Variants in FRYL observed in about 807,000 individuals in gnomAD.
The protein encoded by FRYL is protein furry homolog-like.
A neutral mutation model predicts 351.2 loss-of-function variants in FRYL; 150 were observed. The observed-to-expected ratio is 0.43, with a 90% confidence interval of 0.37 to 0.49. The LOEUF is 0.49. Ranked by LOEUF, FRYL falls within the 20% of genes least tolerant of loss-of-function variation. FRYL has a pLI of 0.00. For missense variants in FRYL, 3,036 were observed against 3,619.3 expected (o/e 0.84, Z 4.13); for synonymous variants, 1,153 against 1,257.1 (o/e 0.92, Z 1.75).
intron 3 of FRYL, among the ~76,000 whole-genome samples, chr4:48,640,815 A>G (rs1156375730): frequency 2.0e-5 from 3 of 152,166 alleles, no homozygotes; most frequent in African/African-American, 7.2e-5. Context: ...TTACAAAAGA[A>G]AAGCCAAAGA....
intron 25 of FRYL, 122 bp from the exon 26 acceptor site, chr4:48,573,365 A>G: frequency 1.6e-6 from 1 of 630,820 alleles, no homozygotes; most frequent in Non-Finnish European, 2.7e-6. Flanking sequence ...TTTTAAACAC[A>G]ATGTCTATTT....
chr4:48,592,105 TA>T (rs1388281494), intron 16 of FRYL, among the ~76,000 whole-genome samples: 3 of 90,930 alleles, frequency 3.3e-5, no homozygotes, highest in South Asian at 3.4e-4. Flanking sequence ...TATATATATA[TA>T]TATATATATT....
At chr4:48,718,177 T>C (rs955683) in intron 1 of FRYL, among the ~76,000 whole-genome samples, 78,654 of 151,068 alleles carry the variant, frequency 0.52, 21,758 homozygotes, top group South Asian at 0.63. Context: ...CTAAAATCAG[T>C]TTATGTCTGT....
At chr4:48,779,432 C>T (rs1320456590) in intron 1 of FRYL, among the ~76,000 whole-genome samples, 1 of 152,156 alleles carries the variant, frequency 6.6e-6, no homozygotes, top group Admixed American at 6.5e-5. Flanking sequence ...GCCCGCACCC[C>T]TCCCCAGGAC....
chr4:48,710,754 T>C (rs760186056), intron 1 of FRYL, 56 bp from the exon 2 acceptor site: 40 of 395,714 alleles, frequency 1.0e-4, no homozygotes, highest in Admixed American at 1.8e-4. Flanking sequence ...GCTTACAACA[T>C]GTTAACATTT....
chr4:48,601,967 A>G (rs1578298839), intron 13 of FRYL, 53 bp downstream of exon 13: 1 of 1,067,110 alleles, frequency 9.4e-7, no homozygotes, highest in East Asian at 2.4e-5. Flanking sequence ...TTATATGCAT[A>G]AACAAAATAT....
chr4:48,513,475 G>A (rs1389771950), intron 56 of FRYL, among the ~76,000 whole-genome samples: 1 of 152,140 alleles, frequency 6.6e-6, no homozygotes, highest in African/African-American at 2.4e-5. Flanking sequence ...ATGTATTTGG[G>A]TTGGACATTC....
chr4:48,587,020 CTTA>C (rs1393504187), intron 18 of FRYL, among the ~76,000 whole-genome samples: 2 of 151,602 alleles, frequency 1.3e-5, no homozygotes, highest in South Asian at 2.1e-4. Context: ...TATAATTAAT[CTTA>C]TTAATATTTA....
intron 1 of FRYL, among the ~76,000 whole-genome samples, chr4:48,726,408 G>C (rs765942180): frequency 9.2e-5 from 14 of 152,180 alleles, no homozygotes. Flanking sequence ...GCGGGCGGGT[G>C]CAGTGGCTCA....
At chr4:48,548,140 C>T (rs1387251019) in intron 40 of FRYL, among the ~76,000 whole-genome samples, 2 of 151,948 alleles carry the variant, frequency 1.3e-5, no homozygotes, top group African/African-American at 2.4e-5. Flanking sequence ...ATGTAATACA[C>T]CAACATTAAG....
At chr4:48,603,466 G>T in intron 11 of FRYL, 78 bp from the exon 12 acceptor site, 1 of 961,806 alleles carries the variant, frequency 1.0e-6, no homozygotes, top group Non-Finnish European at 1.6e-6. Context: ...AGAACTTTCT[G>T]TAAGGTTTGA....
chr4:48,525,604 T>G (rs554484672), intron 53 of FRYL, among the ~76,000 whole-genome samples: 6 of 152,208 alleles, frequency 3.9e-5, no homozygotes, highest in Non-Finnish European at 7.3e-5. Context: ...TGAATGTGTA[T>G]AAGCTGTATA....
chr4:48,519,742 T>C (rs575068341), intron 55 of FRYL, among the ~76,000 whole-genome samples: 1 of 151,632 alleles, frequency 6.6e-6, no homozygotes, highest in South Asian at 2.1e-4. Context: ...CTCGCTCTTT[T>C]TTTTTTCTTT....
chr4:48,513,590 AG>A (rs1410789249), intron 56 of FRYL, among the ~76,000 whole-genome samples: 1 of 152,228 alleles, frequency 6.6e-6, no homozygotes, highest in Non-Finnish European at 1.5e-5. Flanking sequence ...ATTACAAGCT[AG>A]TTCTATAAGG....
At chr4:48,646,961 GAC>G (rs551103532) in intron 3 of FRYL, among the ~76,000 whole-genome samples, 35 of 152,230 alleles carry the variant, frequency 2.3e-4, no homozygotes, top group African/African-American at 7.9e-4. Flanking sequence ...GAAATATATA[GAC>G]ACACGGCTAG....
intron 2 of FRYL, among the ~76,000 whole-genome samples, chr4:48,691,800 T>C (rs1765703739): frequency 6.6e-6 from 1 of 152,206 alleles, no homozygotes; most frequent in African/African-American, 2.4e-5. Context: ...TCTTCCTACA[T>C]AAATTAAACA....
At chr4:48,606,385 G>T (rs1446404805) in intron 10 of FRYL, 53 bp downstream of exon 10, 1 of 1,217,808 alleles carries the variant, frequency 8.2e-7, no homozygotes, top group Non-Finnish European at 1.2e-6. Flanking sequence ...AAGTCATGAA[G>T]AGCAAGGACT....
intron 1 of FRYL, among the ~76,000 whole-genome samples, chr4:48,755,433 T>C (rs1773676279): frequency 6.6e-6 from 1 of 152,224 alleles, no homozygotes; most frequent in African/African-American, 2.4e-5. Context: ...TGTCACCAAT[T>C]CATTACTCAT....
chr4:48,518,123 T>C (rs921744777), intron 55 of FRYL, among the ~76,000 whole-genome samples: 3 of 152,224 alleles, frequency 2.0e-5, no homozygotes, highest in Non-Finnish European at 4.4e-5. Flanking sequence ...TGAAATACCA[T>C]GCTTTCAAAA....
Sources: allele counts gnomAD v4.1 joint callset (sites outside exome capture counted in the v4.1 genomes callset), GRCh38; gene constraint gnomAD v4.1.1; transcripts MANE v1.5; gene names NCBI Gene and HGNC (gene_info 2026-07-23, HGNC 2026-07-21).